The following SLC25A42 variants were observed in gnomAD, a reference collection of about 807,000 sequenced individuals.
The protein encoded by SLC25A42 is mitochondrial coenzyme A transporter SLC25A42.
SLC25A42 carries 19 observed loss-of-function variants against 34.7 expected under a neutral mutation model. The ratio of observed to expected loss-of-function variants is 0.55; its 90% CI spans 0.38 to 0.80. The LOEUF (loss-of-function observed/expected upper bound fraction) is 0.80. SLC25A42 is among the 30% of genes least tolerant of loss of function. SLC25A42 has a pLI of 0.00. For synonymous variants in SLC25A42, 205 were observed against 191.2 expected (o/e 1.07, Z -0.59); for missense variants, 364 against 441.3 (o/e 0.82, Z 1.57).
At chr19:19,086,764 C>G (rs566358873) in intron 1 of SLC25A42, among the ~76,000 whole-genome samples, 83 of 152,174 alleles carry the variant, frequency 5.5e-4, no homozygotes, top group Non-Finnish European at 9.4e-4. Context: ...CCTCAGCCTC[C>G]TGAGTAGCTG....
chr19:19,064,336 T>C (rs2059589909), intron 1 of SLC25A42, among the ~76,000 whole-genome samples: 1 of 151,508 alleles, frequency 6.6e-6, no homozygotes, highest in Non-Finnish European at 1.5e-5. Flanking sequence ...CCATACACTT[T>C]AGACTGTCCT....
chr19:19,102,298 C>G (rs190892206), intron 3 of SLC25A42, among the ~76,000 whole-genome samples: 6 of 152,112 alleles, frequency 3.9e-5, no homozygotes, highest in African/African-American at 1.2e-4. Context: ...CTTGAGCCAC[C>G]GCCCCCGGCC....
At chr19:19,098,612 T>C (rs1179352313) in intron 2 of SLC25A42, among the ~76,000 whole-genome samples, 1 of 147,654 alleles carries the variant, frequency 6.8e-6, no homozygotes, top group African/African-American at 2.5e-5. Flanking sequence ...CAACACAGAG[T>C]TGGCTTTGTA....
At chr19:19,068,788 A>G (rs1568505361) in intron 1 of SLC25A42, among the ~76,000 whole-genome samples, 1 of 152,086 alleles carries the variant, frequency 6.6e-6, no homozygotes, top group African/African-American at 2.4e-5. Context: ...CAGTGAGCTG[A>G]GATGGCACCA....
intron 2 of SLC25A42, among the ~76,000 whole-genome samples, chr19:19,100,538 T>A (rs1331520980): frequency 1.3e-5 from 2 of 152,032 alleles, no homozygotes; most frequent in African/African-American, 4.8e-5. Context: ...CCTCTGAGTA[T>A]TCATTCCTCC....
At chr19:19,080,946 G>A (rs941452905) in intron 1 of SLC25A42, among the ~76,000 whole-genome samples, 1 of 150,408 alleles carries the variant, frequency 6.6e-6, no homozygotes, top group Non-Finnish European at 1.5e-5. Context: ...AAAAAAGAGG[G>A]AGGGAGAGAG....
Position 19,110,739 on chromosome 19 carries a change from A to T in SLC25A42, c.820A>T (p.Ile274Phe). 1 of 1,611,896 alleles carries T rather than the reference A, an allele frequency of 6.2e-7. No homozygotes were observed. The highest frequency in any genetic ancestry group is 8.5e-7 in the Non-Finnish European group (1 of 1,179,340). Residue 274 changes from isoleucine to phenylalanine, a missense_variant, in exon 8 of 8, where the codon ATC becomes TTC. By Grantham distance (21) the Ile-to-Phe change is conservative. Coordinates refer to ENST00000318596, the MANE Select transcript of SLC25A42 (RefSeq NM_178526.5). ...CTCCATCGCCCGCACGCTGCGCACC[A>T]TCGTGCGGGAGGAGGGCGCCGTGCG... ...RASIARTLRT[I>F]VREEGAVRGL...
At chr19:19,105,926 C>T in intron 5 of SLC25A42, 199 bp downstream of exon 5, 1 of 582,324 alleles carries the variant, frequency 1.7e-6, no homozygotes, top group Non-Finnish European at 3.0e-6. Flanking sequence ...CCTATTCTGT[C>T]TTCAGAGCTC....
intron 1 of SLC25A42, among the ~76,000 whole-genome samples, chr19:19,080,276 T>C (rs2059674520): frequency 6.6e-6 from 1 of 152,110 alleles, no homozygotes; most frequent in African/African-American, 2.4e-5. Context: ...TGGGAAATGC[T>C]TCCTCAGCAG....
intron 1 of SLC25A42, among the ~76,000 whole-genome samples, chr19:19,076,353 C>G (rs749455224): frequency 2.6e-5 from 4 of 152,054 alleles, no homozygotes; most frequent in Non-Finnish European, 5.9e-5. Context: ...GTCTGTAATC[C>G]CAGCTACTGG....
rs79839198 is a variant in SLC25A42, at chr19:19,101,118, G to A, written c.82-663G>A. ...ACAGGGCTCGGACACACTGCTGTGC[G>A]GCGTGACCTTCCAGGGAAGGAGGGA... On this transcript the variant is annotated intron_variant, in intron 2 of 7. Transcript: ENST00000318596. 2.6e-5 allele frequency among the ~76,000 whole-genome samples: 4 copies of A among 152,258 alleles called. No individual in the cohort carries two copies. In the East Asian group the frequency reaches 5.8e-4, roughly 22 times the overall value.
In SLC25A42 at chr19:19,081,878, G is replaced by A. The variant is rs2059683513; in HGVS notation, c.-34-14213G>A. ...TAGCCCCATGGGCTTTGCATTTTGT[G>A]GCTGGAATGTGGCTCTGCCATGCCT... On this transcript the variant is annotated intron_variant, in intron 1 of 7. Coordinates refer to ENST00000318596, the MANE Select transcript of SLC25A42 (RefSeq NM_178526.5). This position sits in a 1 kb window ranked among gnomAD's most constrained non-coding sequence, Gnocchi z 4.5. Among the ~76,000 whole-genome samples the A allele has an allele frequency of 6.6e-6, 1 of 152,208 alleles. No homozygotes were observed. The highest frequency in any genetic ancestry group is 6.5e-5 in the Admixed American group (1 of 15,280).
chr19:19,085,921 G>A (rs2059706012), intron 1 of SLC25A42, among the ~76,000 whole-genome samples: 1 of 152,188 alleles, frequency 6.6e-6, no homozygotes, highest in Admixed American at 6.5e-5. Flanking sequence ...GAAAACCAGG[G>A]CTGCCAGCGC....
chr19:19,072,105 A>G (rs76679373), intron 1 of SLC25A42, among the ~76,000 whole-genome samples: 2,958 of 152,170 alleles, frequency 0.019, 102 homozygotes, highest in African/African-American at 0.068. Context: ...CTCCCACCCC[A>G]GCCTCCCAAA....
chr19:19,084,396 G>A (rs1266229561), intron 1 of SLC25A42, among the ~76,000 whole-genome samples: 1 of 152,142 alleles, frequency 6.6e-6, no homozygotes, highest in Non-Finnish European at 1.5e-5. Flanking sequence ...CCCCAAACCC[G>A]CTTCTTTGTC....
intron 3 of SLC25A42, among the ~76,000 whole-genome samples, chr19:19,102,255 C>T (rs972751650): frequency 5.9e-5 from 9 of 151,954 alleles, no homozygotes; most frequent in Admixed American, 2.0e-4. Flanking sequence ...GTAATCCGCC[C>T]GCCTCGGCCT....
At chr19:19,101,757 C>G in intron 2 of SLC25A42, 24 bp from the exon 3 acceptor site, 1 of 1,602,732 alleles carries the variant, frequency 6.2e-7, no homozygotes. Context: ...GCCCTCTGAC[C>G]TCTGATCACA....
chr19:19,077,859 C>T (rs1487016771), intron 1 of SLC25A42, among the ~76,000 whole-genome samples: 2 of 152,206 alleles, frequency 1.3e-5, no homozygotes, highest in Non-Finnish European at 2.9e-5. Context: ...TGCACTCCAG[C>T]CTGGGCGACA....
intron 1 of SLC25A42, among the ~76,000 whole-genome samples, chr19:19,091,340 C>A (rs571631304): frequency 6.6e-6 from 1 of 152,166 alleles, no homozygotes; most frequent in East Asian, 1.9e-4. Context: ...CGCCTATAAT[C>A]CCAGCTAATC....
Sources: gnomAD v4.1 joint callset for allele counts (sites outside exome capture counted in the v4.1 genomes callset) on GRCh38, gnomAD v4.1.1 for gene constraint, Gnocchi (gnomAD v3.1) non-coding constraint, MANE v1.5 for transcripts, NCBI Gene and HGNC (gene_info 2026-07-23, HGNC 2026-07-21) for gene names.